The following CYB5B variants were observed in gnomAD, a reference collection of about 807,000 sequenced individuals.
The protein encoded by CYB5B is cytochrome b5 type B (outer mitochondrial membrane).
A neutral mutation model predicts 21.3 loss-of-function variants in CYB5B; 14 were observed. The observed-to-expected ratio is 0.66, with a 90% CI of 0.43 to 1.03. The LOEUF (loss-of-function observed/expected upper bound fraction) is 1.03. Among genes scored for constraint, CYB5B ranks in the 50% least tolerant of loss-of-function variants. CYB5B has a pLI of 0.00. For missense variants in CYB5B, 166 were observed against 185.1 expected (o/e 0.90, Z 0.60); for synonymous variants, 69 against 68.4 (o/e 1.01, Z -0.04).
At chr16:69,457,917 A>G (rs1319572608) in intron 3 of CYB5B, among the ~76,000 whole-genome samples, 2 of 152,136 alleles carry the variant, frequency 1.3e-5, no homozygotes, top group African/African-American at 4.8e-5. Flanking sequence ...AAATTCTTGG[A>G]GATTATTGAA....
At chr16:69,432,625 G>A (rs1381156646) in intron 1 of CYB5B, among the ~76,000 whole-genome samples, 1 of 152,148 alleles carries the variant, frequency 6.6e-6, no homozygotes, top group African/African-American at 2.4e-5. Flanking sequence ...AGTCGTCATA[G>A]TATTTATTGA....
intron 3 of CYB5B, chr16:69,449,509 A>T (rs888937046): frequency 5.9e-5 from 9 of 152,364 alleles, no homozygotes; most frequent in African/African-American, 2.2e-4. Flanking sequence ...TTAAAACAAT[A>T]GAAAAAATAT....
At chr16:69,452,497 A>G (rs1239260624) in intron 3 of CYB5B, among the ~76,000 whole-genome samples, 1 of 151,738 alleles carries the variant, frequency 6.6e-6, no homozygotes, top group East Asian at 1.9e-4. Flanking sequence ...CCCGGCCAAC[A>G]TGGCGAAACC....
intron 3 of CYB5B, among the ~76,000 whole-genome samples, chr16:69,452,525 A>G (rs1383625308): frequency 6.6e-6 from 1 of 152,042 alleles, no homozygotes; most frequent in East Asian, 1.9e-4. Context: ...TACTAAAAAT[A>G]CAAAAATTAG....
intron 3 of CYB5B, chr16:69,448,580 T>C (rs2014900936): frequency 1.2e-5 from 2 of 164,090 alleles, no homozygotes; most frequent in Admixed American, 6.1e-5. Flanking sequence ...GTACTTATTT[T>C]CCAAATTTAA....
chr16:69,429,626 A>C (rs550517003), intron 1 of CYB5B, among the ~76,000 whole-genome samples: 68 of 152,258 alleles, frequency 4.5e-4, no homozygotes, highest in Admixed American at 1.2e-3. Context: ...ATTAGGCAAG[A>C]GATAGTGGGT....
intron 1 of CYB5B, among the ~76,000 whole-genome samples, chr16:69,438,652 T>C (rs1254084432): frequency 6.6e-6 from 1 of 152,142 alleles, no homozygotes; most frequent in Non-Finnish European, 1.5e-5. Flanking sequence ...AGAATTCATT[T>C]CCTGAATGAC....
At chr16:69,440,895 G>A (rs2014814960) in intron 1 of CYB5B, among the ~76,000 whole-genome samples, 1 of 151,824 alleles carries the variant, frequency 6.6e-6, no homozygotes, top group African/African-American at 2.4e-5. Context: ...CCAGGCTCAA[G>A]CGATCCTTCC....
chr16:69,446,321 A>G (rs2014877568), intron 1 of CYB5B, among the ~76,000 whole-genome samples: 1 of 152,030 alleles, frequency 6.6e-6, no homozygotes, highest in Admixed American at 6.6e-5. Flanking sequence ...TAGTTAACTT[A>G]TTTATTTATT....
In CYB5B at chr16:69,427,502, T is replaced by G. The variant is rs572883741; in HGVS notation, c.174+2645T>G. ...ATGTGCCAAGGTTTCTCTTGGAGCT[T>G]GAGCTGCAGCTCTTTACCTGCAGTT... On this transcript the variant is annotated intron_variant, in intron 1 of 4. Coordinates refer to ENST00000307892, the MANE Select transcript of CYB5B (RefSeq NM_030579.3). 2.0e-5 allele frequency among the ~76,000 whole-genome samples: 3 copies of G among 152,248 alleles called. No individual in the cohort carries two copies. In the East Asian group the frequency reaches 5.8e-4, roughly 29 times the overall value.
chr16:69,458,964 G>A (rs2015006709), intron 3 of CYB5B, 129 bp from the exon 4 acceptor site: 2 of 771,896 alleles, frequency 2.6e-6, no homozygotes, highest in Admixed American at 6.6e-5. Context: ...ACACCAAAAT[G>A]CATGAAAGAT....
At chr16:69,437,038 C>T (rs1467878518) in intron 1 of CYB5B, among the ~76,000 whole-genome samples, 1 of 152,206 alleles carries the variant, frequency 6.6e-6, no homozygotes, top group Non-Finnish European at 1.5e-5. Flanking sequence ...CCCCTACTAT[C>T]ACATATTCTT....
At chr16:69,430,227 C>CT (rs989378289) in intron 1 of CYB5B, among the ~76,000 whole-genome samples, 14 of 150,596 alleles carry the variant, frequency 9.3e-5, no homozygotes, top group East Asian at 3.9e-4. Context: ...ATTTTTTTTT[C>CT]TTTTTTTTGG....
At chr16:69,454,691 C>A (rs1471180755) in intron 3 of CYB5B, among the ~76,000 whole-genome samples, 2 of 152,180 alleles carry the variant, frequency 1.3e-5, no homozygotes, top group African/African-American at 4.8e-5. Context: ...CACCTAAATA[C>A]CCATTACATT....
At chr16:69,461,202 C>CAAAA (rs548563223) in intron 4 of CYB5B, among the ~76,000 whole-genome samples, 1 of 123,796 alleles carries the variant, frequency 8.1e-6, no homozygotes, top group Non-Finnish European at 1.7e-5. Context: ...GACTCCGTCT[C>CAAAA]AAAAAAAAAA....
At chr16:69,441,190 G>A (rs2014819734) in intron 1 of CYB5B, among the ~76,000 whole-genome samples, 2 of 123,168 alleles carry the variant, frequency 1.6e-5, no homozygotes, top group Admixed American at 2.0e-4. Flanking sequence ...GTCTTGCTCT[G>A]TTGCCCAGGC....
intron 1 of CYB5B, among the ~76,000 whole-genome samples, chr16:69,427,108 C>T (rs2014655622): frequency 6.6e-6 from 1 of 152,098 alleles, no homozygotes; most frequent in Admixed American, 6.5e-5. Context: ...GGCTTGGTGG[C>T]ACCTGTGATC....
intron 4 of CYB5B, 25 bp from the exon 5 acceptor site, chr16:69,462,405 T>G (rs759331289): frequency 3.2e-6 from 5 of 1,558,910 alleles, no homozygotes; most frequent in Admixed American, 1.7e-5. Flanking sequence ...TTAACAACTT[T>G]ATTGCTTTCT....
intron 1 of CYB5B, among the ~76,000 whole-genome samples, chr16:69,442,600 A>G (rs2014835464): frequency 6.6e-6 from 1 of 150,982 alleles, no homozygotes; most frequent in Non-Finnish European, 1.5e-5. Flanking sequence ...CCATGCCTCG[A>G]ATTCCTTGGC....
Sources: gnomAD v4.1 joint callset for allele counts (sites outside exome capture counted in the v4.1 genomes callset) on GRCh38, gnomAD v4.1.1 for gene constraint, MANE v1.5 for transcripts, NCBI Gene and HGNC (gene_info 2026-07-23, HGNC 2026-07-21) for gene names.